Variants in FRMD5 observed in about 807,000 individuals in gnomAD.
The protein encoded by FRMD5 is FERM domain-containing protein 5.
A neutral mutation model predicts 69.0 loss-of-function variants in FRMD5; 20 were observed. The observed-to-expected ratio is 0.29, with a 90% confidence interval of 0.20 to 0.42. FRMD5 has a LOEUF of 0.42. FRMD5 is among the 10% of genes least tolerant of loss of function. The pLI is 1.00. For synonymous variants in FRMD5, 271 were observed against 260.1 expected, an observed-to-expected ratio of 1.04 and a Z score of -0.40; for missense variants, 595 against 708.6, an observed-to-expected ratio of 0.84 and a Z score of 1.82.
At chr15:44,059,588 T>G (rs2140374261) in intron 1 of FRMD5, among the ~76,000 whole-genome samples, 1 of 152,324 alleles carries the variant, frequency 6.6e-6, no homozygotes, top group South Asian at 2.1e-4. Context: ...CTTGGCTCAT[T>G]GCAACCTCTG....
upstream of FRMD5, among the ~76,000 whole-genome samples, chr15:44,199,162 C>T (rs2078326703): frequency 6.6e-6 from 1 of 152,180 alleles, no homozygotes; most frequent in African/African-American, 2.4e-5. Context: ...TTCACCAAGA[C>T]ATGACAAACA....
chr15:43,881,820 T>C (rs1322758077), intron 13 of FRMD5, among the ~76,000 whole-genome samples: 2 of 152,154 alleles, frequency 1.3e-5, no homozygotes, highest in Admixed American at 6.5e-5. Flanking sequence ...TAGACTTTGG[T>C]AACATGGAAT....
At chr15:44,005,744 A>G (rs191388828) in intron 1 of FRMD5, among the ~76,000 whole-genome samples, 245 of 152,180 alleles carry the variant, frequency 1.6e-3, no homozygotes, top group African/African-American at 5.6e-3. Context: ...CAAGAACAGC[A>G]CTAGGGGGAT....
intron 1 of FRMD5, among the ~76,000 whole-genome samples, chr15:44,150,768 G>A (rs1419233878): frequency 6.6e-6 from 1 of 151,964 alleles, no homozygotes; most frequent in African/African-American, 2.4e-5. Flanking sequence ...TTTAGCCTGG[G>A]CAACAGAGCA....
chr15:43,931,077 C>T (rs2089666936), intron 1 of FRMD5, among the ~76,000 whole-genome samples: 1 of 152,098 alleles, frequency 6.6e-6, no homozygotes, highest in Non-Finnish European at 1.5e-5. Context: ...ATCTTTGTAC[C>T]CTGTGAAGTG....
chr15:44,121,681 A>G (rs2076954029), intron 1 of FRMD5, among the ~76,000 whole-genome samples: 1 of 151,564 alleles, frequency 6.6e-6, no homozygotes, highest in Non-Finnish European at 1.5e-5. Context: ...AAACAAAAAA[A>G]CTCCTTATAT....
intron 1 of FRMD5, among the ~76,000 whole-genome samples, chr15:44,025,667 G>T (rs1203627599): frequency 2.0e-5 from 3 of 152,108 alleles, no homozygotes; most frequent in Admixed American, 2.0e-4. Context: ...GGTACAGTAG[G>T]ATCTGTGGAA....
At chr15:43,965,934 G>T (rs2090288195) in intron 1 of FRMD5, among the ~76,000 whole-genome samples, 1 of 152,072 alleles carries the variant, frequency 6.6e-6, no homozygotes, top group Admixed American at 6.6e-5. Flanking sequence ...GTATTAATAT[G>T]CTAAGTATGG....
rs577713450 is a variant in FRMD5 at position 44,046,690 on chromosome 15, G to A, written c.103-122381C>T. On this transcript the variant is annotated intron_variant, in intron 1 of 13. Coordinates refer to ENST00000417257, the MANE Select transcript of FRMD5 (RefSeq NM_032892.5). ...TAATTACTTTTCCAAGAATAGCAATGGTCACTATAATTTTTCTAAGCAGTT... is the reference window on the plus strand; with the variant it reads ...TAATTACTTTTCCAAGAATAGCAATAGTCACTATAATTTTTCTAAGCAGTT... Among the ~76,000 whole-genome samples, 6 of 152,212 alleles carry A rather than the reference G, an allele frequency of 3.9e-5. No homozygotes were observed. In the South Asian group the frequency reaches 1.0e-3, roughly 26 times the overall value.
intron 1 of FRMD5, among the ~76,000 whole-genome samples, chr15:44,041,774 T>C (rs1292230243): frequency 2.0e-5 from 3 of 152,246 alleles, no homozygotes; most frequent in South Asian, 2.1e-4. Context: ...GTGACACATT[T>C]AAAGCAGGGT....
intron 1 of FRMD5, among the ~76,000 whole-genome samples, chr15:43,991,736 A>G (rs1008053451): frequency 6.6e-6 from 1 of 152,202 alleles, no homozygotes. Flanking sequence ...TAAGGGATTG[A>G]TATTTTCAAA....
intron 1 of FRMD5, among the ~76,000 whole-genome samples, chr15:44,090,603 C>T (rs2076458004): frequency 6.6e-6 from 1 of 151,922 alleles, no homozygotes; most frequent in South Asian, 2.1e-4. Flanking sequence ...CCATGCCTGG[C>T]TAATTTTTAT....
chr15:43,986,552 CTTGCA>C (rs1889400952), intron 1 of FRMD5, among the ~76,000 whole-genome samples: 1 of 152,152 alleles, frequency 6.6e-6, no homozygotes, highest in South Asian at 2.1e-4. Flanking sequence ...TAAAGAAACT[CTTGCA>C]GATATTTCAT....
rs1329081014 is a variant in FRMD5, at chr15:44,195,186, C to A, written c.-132G>T. ...CCCGGCCCCGTCGCTGCCGTTGCCT[C>A]CTGCTGGCCTCGTTCCTCCTCCTTA... is the stretch of plus-strand genomic sequence containing the variant. On this transcript the variant is annotated 5_prime_UTR_variant, in exon 1 of 14. Transcript: ENST00000417257. 1.6e-6 allele frequency: 1 copy of A among 632,496 alleles called. No individual in the cohort carries two copies. The highest frequency in any genetic ancestry group is 2.6e-6 in the Non-Finnish European group (1 of 384,280). The allele number at this position is 632,496 out of a possible 1,614,324, so 39.2% of individuals were successfully genotyped here.
chr15:44,191,983 T>C (rs906404478), intron 1 of FRMD5, among the ~76,000 whole-genome samples: 49 of 144,572 alleles, frequency 3.4e-4, no homozygotes, highest in African/African-American at 1.2e-3. Flanking sequence ...AACAGATGAG[T>C]AGACCAGATC....
intron 1 of FRMD5, among the ~76,000 whole-genome samples, chr15:44,144,233 G>C (rs1180487677): frequency 1.3e-5 from 2 of 152,140 alleles, no homozygotes. Context: ...GATATCTATA[G>C]AGTAGGTATT....
chr15:44,124,516 G>A (rs1036874142), intron 1 of FRMD5, among the ~76,000 whole-genome samples: 2 of 151,510 alleles, frequency 1.3e-5, no homozygotes, highest in Admixed American at 6.6e-5. Context: ...TGGCTAACAC[G>A]GCGAAACCCT....
intron 1 of FRMD5, among the ~76,000 whole-genome samples, chr15:44,098,116 A>AG (rs2076580450): frequency 1.0e-5 from 1 of 99,450 alleles, no homozygotes; most frequent in Admixed American, 1.3e-4. Context: ...GTGACAAAAC[A>AG]AAAAAAAAAA....
chr15:44,131,347 G>C (rs1409656143), intron 1 of FRMD5, among the ~76,000 whole-genome samples: 21 of 151,932 alleles, frequency 1.4e-4, no homozygotes, highest in Admixed American at 1.4e-3. Flanking sequence ...ATAAACGGTA[G>C]GAATGTAAAA....
Sources: allele counts gnomAD v4.1 joint callset (sites outside exome capture counted in the v4.1 genomes callset), GRCh38; gene constraint gnomAD v4.1.1; transcripts MANE v1.5; gene names NCBI Gene and HGNC (gene_info 2026-07-23, HGNC 2026-07-21).